The following FILIP1 variants were observed in gnomAD, a reference collection of about 807,000 sequenced individuals.
FILIP1 encodes the protein filamin A interacting protein 1, also known as filamin-A-interacting protein 1.
Under a neutral mutation model 102.1 loss-of-function variants are expected in FILIP1, and 61 were observed. That is an observed-to-expected ratio of 0.60 (90% CI 0.49 to 0.74). FILIP1 has a LOEUF of 0.74. Among genes scored for constraint, FILIP1 ranks in the 30% least tolerant of loss-of-function variants. The probability of loss-of-function intolerance (pLI) is 0.00; values close to 1 mark genes in which losing one functional copy is unlikely to be tolerated. For missense variants in FILIP1, 1,314 were observed against 1,441.2 expected, an observed-to-expected ratio of 0.91 and a Z score of 1.43; for synonymous variants, 491 against 526.9, an observed-to-expected ratio of 0.93 and a Z score of 0.93.
At chr6:75,344,511 G>T (rs1341871298) in intron 4 of FILIP1, among the ~76,000 whole-genome samples, 1 of 152,240 alleles carries the variant, frequency 6.6e-6, no homozygotes, top group Non-Finnish European at 1.5e-5. Context: ...GGGTCAGTTA[G>T]CCTGAGCTAA....
rs1158779062 is a variant in FILIP1 at position 75,299,690 on chromosome 6, A to G, written c.3494-3740T>C. ...TTAAAAAAACTTCAGGTAACACATT[A>G]AATGCATTATTTGTTATTATGACAT... On this transcript the variant is annotated intron_variant, in intron 6 of 6. Coordinates refer to the FILIP1 transcript ENST00000393004. Among the ~76,000 whole-genome samples, 3 of 152,162 alleles carry G rather than the reference A, an allele frequency of 2.0e-5. No individual in the cohort carries two copies. In the South Asian group the frequency reaches 6.2e-4, roughly 32 times the overall value.
chr6:75,381,246 T>C (rs973096348), intron 2 of FILIP1, among the ~76,000 whole-genome samples: 1 of 152,112 alleles, frequency 6.6e-6, no homozygotes. Context: ...TTTTTTTTTT[T>C]TGAGACAGAG....
intron 1 of FILIP1, among the ~76,000 whole-genome samples, chr6:75,430,156 C>T (rs1275916316): frequency 6.6e-6 from 1 of 152,094 alleles, no homozygotes; most frequent in African/African-American, 2.4e-5. Context: ...GGGGCTCTTC[C>T]CCCTTCACTT....
intron 1 of FILIP1, among the ~76,000 whole-genome samples, chr6:75,472,358 ATATAAT>A (rs1246898885): frequency 6.6e-6 from 1 of 152,160 alleles, no homozygotes; most frequent in Non-Finnish European, 1.5e-5. Context: ...TACCCTCTTA[ATATAAT>A]TATAACATTT....
chr6:75,381,390 C>T (rs1209298164), intron 2 of FILIP1, among the ~76,000 whole-genome samples: 5 of 152,004 alleles, frequency 3.3e-5, no homozygotes, highest in East Asian at 1.9e-4. Context: ...CCACCACGCC[C>T]GGCTAATTTT....
chr6:75,368,975 GGTGATTCCAAA>G (rs1775430107), intron 2 of FILIP1, among the ~76,000 whole-genome samples: 1 of 152,126 alleles, frequency 6.6e-6, no homozygotes, highest in African/African-American at 2.4e-5. Context: ...TATTTCTGTA[GGTGATTCCAAA>G]GCACAGCTGC....
intron 4 of FILIP1, among the ~76,000 whole-genome samples, chr6:75,331,604 C>A (rs1392791192): frequency 6.6e-6 from 1 of 152,100 alleles, no homozygotes; most frequent in Non-Finnish European, 1.5e-5. Flanking sequence ...AGGGCTTTTG[C>A]AGTTGTCGGC....
chr6:75,437,525 G>A (rs547488075), intron 1 of FILIP1, among the ~76,000 whole-genome samples: 1 of 152,208 alleles, frequency 6.6e-6, no homozygotes, highest in Admixed American at 6.5e-5. Flanking sequence ...GTGATATTTC[G>A]GTAACAGTTG....
At chr6:75,349,198 C>T (rs1774699169) in intron 4 of FILIP1, among the ~76,000 whole-genome samples, 1 of 152,166 alleles carries the variant, frequency 6.6e-6, no homozygotes, top group Non-Finnish European at 1.5e-5. Context: ...GATGGCTTAT[C>T]AACAGCTACT....
chr6:75,314,700 C>T lies in FILIP1; in HGVS notation c.1132G>A (p.Ala378Thr). 1 of 1,614,036 alleles carries T rather than the reference C, an allele frequency of 6.2e-7. No homozygotes were observed. Among genetic ancestry groups the T allele is most frequent in the Non-Finnish European group, 8.5e-7 (1 of 1,179,990 alleles). Residue 378 changes from alanine to threonine, a missense_variant, in exon 5 of 6, where the codon GCA (alanine) becomes ACA (threonine). Around this residue, in one of 3 missense-constraint regions of FILIP1, gnomAD observed 494 missense variants for 511.2 expected, o/e 0.97. Coordinates refer to ENST00000237172, the MANE Select transcript of FILIP1 (RefSeq NM_015687.5). ...CGCTTTCGAAGATTTTCCACTTCTGCCATGAGGCTAGAGTTTCCACATTCT... is the reference window on the plus strand; with the variant it reads ...CGCTTTCGAAGATTTTCCACTTCTGTCATGAGGCTAGAGTTTCCACATTCT... ...KGECGNSSLM[A>T]EVENLRKRVL...
chr6:75,421,200 A>C (rs1007972008), intron 1 of FILIP1, among the ~76,000 whole-genome samples: 1 of 152,224 alleles, frequency 6.6e-6, no homozygotes, highest in African/African-American at 2.4e-5. Flanking sequence ...AAAAGATGAC[A>C]GAGAAAATAG....
At chr6:75,384,105 G>A (rs574345196) in intron 2 of FILIP1, among the ~76,000 whole-genome samples, 6 of 151,930 alleles carry the variant, frequency 3.9e-5, no homozygotes, top group South Asian at 2.1e-4. Flanking sequence ...TTTTATGTCC[G>A]TCTTTCAGTT....
intron 2 of FILIP1, among the ~76,000 whole-genome samples, chr6:75,396,959 G>A (rs752791468): frequency 1.4e-5 from 2 of 142,854 alleles, no homozygotes; most frequent in East Asian, 2.1e-4. Flanking sequence ...GGTGGGAATT[G>A]AGCAACGAAA....
chr6:75,416,082 A>G (rs1582471817), intron 1 of FILIP1, among the ~76,000 whole-genome samples: 1 of 152,182 alleles, frequency 6.6e-6, no homozygotes, highest in Admixed American at 6.6e-5. Context: ...CAGCTAAGCA[A>G]AAAGATTTTC....
At chr6:75,348,062 T>TACACACAC (rs148284986) in intron 4 of FILIP1, among the ~76,000 whole-genome samples, 20,060 of 147,100 alleles carry the variant, frequency 0.14, 1,512 homozygotes, top group African/African-American at 0.2. Context: ...ACATCAGTTA[T>TACACACAC]ACACACACAC....
intron 1 of FILIP1, among the ~76,000 whole-genome samples, chr6:75,478,210 G>C (rs537466148): frequency 1.3e-5 from 2 of 152,256 alleles, no homozygotes; most frequent in East Asian, 3.9e-4. Flanking sequence ...GGCTTAAAAT[G>C]CTTCATGCTT....
intron 1 of FILIP1, among the ~76,000 whole-genome samples, chr6:75,422,812 T>C (rs1452949841): frequency 6.6e-6 from 1 of 152,204 alleles, no homozygotes; most frequent in Non-Finnish European, 1.5e-5. Flanking sequence ...TGGTTTGTTA[T>C]ACATCATTTT....
chr6:75,353,599 T>A lies in FILIP1; in HGVS notation c.569A>T (p.His190Leu). The A allele has an allele frequency of 6.2e-7, 1 of 1,614,208 alleles. No individual in the cohort carries two copies. Among genetic ancestry groups the A allele is most frequent in the Non-Finnish European group, 8.5e-7 (1 of 1,180,044 alleles). ...GTCGCTCTTGTTCATGTAGTCAGTGTGTTTATGCTTCTCGTTCTCTAACTC... is the reference window on the plus strand; with the variant it reads ...GTCGCTCTTGTTCATGTAGTCAGTGAGTTTATGCTTCTCGTTCTCTAACTC... ...VYELENEKHK[H>L]TDYMNKSDDF... The change falls in exon 4 of 6, where the codon CAC becomes CTC. Residue 190 changes from histidine (H) to leucine (L), a missense_variant. By Grantham distance (99) the His-to-Leu change is moderately conservative. Coordinates refer to ENST00000237172, the MANE Select transcript of FILIP1 (RefSeq NM_015687.5).
chr6:75,331,491 AAT>A (rs1774079920), intron 4 of FILIP1, among the ~76,000 whole-genome samples: 1 of 152,292 alleles, frequency 6.6e-6, no homozygotes, highest in African/African-American at 2.4e-5. Context: ...TAGGAATAAA[AAT>A]ATATATATTG....
Sources: allele counts gnomAD v4.1 joint callset (sites outside exome capture counted in the v4.1 genomes callset), GRCh38; gene constraint gnomAD v4.1.1; regional missense constraint gnomAD v4.1.1; transcripts MANE v1.5; gene names NCBI Gene and HGNC (gene_info 2026-07-23, HGNC 2026-07-21).